Variants in PAK4 observed in about 807,000 individuals in gnomAD.
PAK4 encodes p21 (RAC1) activated kinase 4.
PAK4 carries 49 observed loss-of-function variants against 53.5 expected under a neutral mutation model. The observed-to-expected ratio is 0.92, with a 90% CI of 0.73 to 1.16. The LOEUF (loss-of-function observed/expected upper bound fraction) is 1.16. Ranked by LOEUF, PAK4 falls within the 50% of genes most tolerant of loss-of-function variation. The pLI is 0.00. For synonymous variants in PAK4, 376 were observed against 375.6 expected (o/e 1.00, Z -0.01); for missense variants, 824 against 850.7 (o/e 0.97, Z 0.39).
chr19:39,174,906 C>T, intron 4 of PAK4, 25 bp from the exon 6 acceptor site: 13 of 1,613,140 alleles, frequency 8.1e-6, no homozygotes, highest in Non-Finnish European at 1.1e-5. Context: ...CGCCTCCCTC[C>T]ACCACTGACC....
chr19:39,173,570 T>C lies in PAK4; in HGVS notation c.664-6T>C. The C allele has an allele frequency of 6.6e-7, 1 of 1,518,532 alleles. No homozygotes were observed. Among genetic ancestry groups the C allele is most frequent in the Non-Finnish European group, 8.8e-7 (1 of 1,134,584 alleles). 94.1% of individuals were successfully genotyped at this position (1,518,532 alleles called of 1,614,324 possible). A position where few individuals can be genotyped will look rare whatever the true frequency, so the allele number is the denominator to read the frequency against. ...ATCACTGACAGCTACCTCTCTTCTG[T>C]TTCAGGGGGAGCCTCATGACGTGGC... On this transcript the variant is annotated splice_region_variant and splice_polypyrimidine_tract_variant and intron_variant, in intron 3 of 8. Coordinates refer to ENST00000358301, the Ensembl canonical transcript of PAK4. This position sits in a 1 kb window ranked among gnomAD's most constrained non-coding sequence, Gnocchi z 6.9.
intron 1 of PAK4, among the ~76,000 whole-genome samples, chr19:39,144,558 G>C (rs936501684): frequency 6.6e-6 from 1 of 152,244 alleles, no homozygotes; most frequent in African/African-American, 2.4e-5. Flanking sequence ...TTGTTCTGGA[G>C]GCCAGAAGGG....
chr19:39,141,971 G>A (rs939719820), intron 1 of PAK4, among the ~76,000 whole-genome samples: 27 of 152,104 alleles, frequency 1.8e-4, no homozygotes, highest in African/African-American at 4.1e-4. Context: ...CTTTGCATCC[G>A]GTTGATAGGC....
intron 7 of PAK4, among the ~76,000 whole-genome samples, chr19:39,177,350 C>T (rs2074626378): frequency 1.3e-5 from 2 of 152,166 alleles, no homozygotes; most frequent in African/African-American, 4.8e-5. Context: ...TGTTTCTGAA[C>T]CAATCACTGT....
rs1401698746 is a variant in PAK4 at position 39,173,511 on chromosome 19, C to T, written c.664-65C>T. On this transcript the variant is annotated intron_variant, in intron 3 of 8. Coordinates refer to ENST00000358301, the Ensembl canonical transcript of PAK4. This position sits in a 1 kb window ranked among gnomAD's most constrained non-coding sequence, Gnocchi z 6.9. Reference sequence around the variant, plus strand: ...GTCTGTCCCATCGCTGGGTCTCTCTCCTGCTTAGGGAGCAGAGCTGCTCCC... The same window carrying T: ...GTCTGTCCCATCGCTGGGTCTCTCTTCTGCTTAGGGAGCAGAGCTGCTCCC... The T allele has an allele frequency of 1.4e-6, 2 of 1,412,148 alleles. No homozygotes were observed. The highest frequency in any genetic ancestry group is 1.9e-6 in the Non-Finnish European group (2 of 1,042,538). The allele number at this position is 1,412,148 out of a possible 1,614,324, so 87.5% of individuals were successfully genotyped here.
chr19:39,158,079 T>G (rs909329223), intron 1 of PAK4, among the ~76,000 whole-genome samples: 1 of 76,972 alleles, frequency 1.3e-5, no homozygotes, highest in African/African-American at 3.6e-5. Context: ...AGCATGCATG[T>G]GTGTGTGTGC....
At chr19:39,170,943 C>A (rs2144830011) in intron 2 of PAK4, among the ~76,000 whole-genome samples, 1 of 152,326 alleles carries the variant, frequency 6.6e-6, no homozygotes, top group South Asian at 2.1e-4. Context: ...CAGGCCGCAC[C>A]CGACCCACCT....
At chr19:39,137,991 T>A (rs2073848273) in intron 1 of PAK4, among the ~76,000 whole-genome samples, 1 of 150,588 alleles carries the variant, frequency 6.6e-6, no homozygotes, top group Admixed American at 6.6e-5. Context: ...AGGTTTTTTT[T>A]TTTTTTTTGA....
chr19:39,169,680 A>G lies in PAK4; in HGVS notation c.127A>G (p.Ile43Val), dbSNP rs2144820914. 2.5e-6 allele frequency: 4 copies of G among 1,613,112 alleles called. No homozygotes were observed. The South Asian group carries it at 4.4e-5, about 18-fold the overall frequency. Residue 43 changes from isoleucine to valine, a missense_variant, in exon 2 of 9, where the codon ATC (isoleucine) becomes GTC (valine). Coordinates refer to ENST00000358301, the Ensembl canonical transcript of PAK4. ...GCTGCCCCGCCAGTGGCAGAGCCTG[A>G]TCGAGGAGTCGGCTCGCCGGCCCAA...
chr19:39,166,413 C>T (rs1263500233), intron 1 of PAK4, among the ~76,000 whole-genome samples: 1 of 152,252 alleles, frequency 6.6e-6, no homozygotes, highest in African/African-American at 2.4e-5. Context: ...CACTGCACTC[C>T]AGCCTGGGCG....
chr19:39,160,389 GGC>G (rs2074265064), intron 1 of PAK4, among the ~76,000 whole-genome samples: 1 of 152,190 alleles, frequency 6.6e-6, no homozygotes, highest in Non-Finnish European at 1.5e-5. Flanking sequence ...CTGCCCTCAG[GGC>G]ACTGACATTC....
At chr19:39,155,594 C>T (rs1357465109) in intron 1 of PAK4, among the ~76,000 whole-genome samples, 3 of 152,172 alleles carry the variant, frequency 2.0e-5, no homozygotes, top group Non-Finnish European at 2.9e-5. Flanking sequence ...TGCCTCGGGC[C>T]AGCCTTTGCA....
intron 1 of PAK4, among the ~76,000 whole-genome samples, chr19:39,150,176 G>A (rs972723158): frequency 1.3e-5 from 2 of 150,592 alleles, no homozygotes; most frequent in African/African-American, 2.4e-5. Flanking sequence ...GTCCTGTTCC[G>A]CTGCTCTGTT....
At chr19:39,170,382 CTAGAGCA>C (rs1236065332) in intron 2 of PAK4, among the ~76,000 whole-genome samples, 14 of 152,138 alleles carry the variant, frequency 9.2e-5, no homozygotes, top group African/African-American at 3.4e-4. Context: ...TTCCTGCCAT[CTAGAGCA>C]AAATGGCAAG....
At chr19:39,133,087 C>CA (rs1260157450) in intron 1 of PAK4, among the ~76,000 whole-genome samples, 1 of 152,204 alleles carries the variant, frequency 6.6e-6, no homozygotes, top group Non-Finnish European at 1.5e-5. Flanking sequence ...ACCCATCTGA[C>CA]ACAGAAGAGG....
At chr19:39,137,669 CTT>C (rs754678702) in intron 1 of PAK4, among the ~76,000 whole-genome samples, 16 of 140,178 alleles carry the variant, frequency 1.1e-4, no homozygotes, top group Admixed American at 1.4e-4. Context: ...GGTCACTTTC[CTT>C]TTTTTTTTTT....
chr19:39,135,707 C>T (rs896270250), intron 1 of PAK4, among the ~76,000 whole-genome samples: 1 of 151,990 alleles, frequency 6.6e-6, no homozygotes, highest in African/African-American at 2.4e-5. Context: ...AACAGGCAGC[C>T]CTCCCCGAGC....
At chr19:39,171,645 T>C (rs1280239508) in intron 2 of PAK4, among the ~76,000 whole-genome samples, 2 of 152,140 alleles carry the variant, frequency 1.3e-5, no homozygotes, top group Non-Finnish European at 2.9e-5. Flanking sequence ...GGGATCAGTG[T>C]TTTCTACACG....
chr19:39,166,422 C>T lies in PAK4; in HGVS notation c.-22-3110C>T, dbSNP rs140481698. Among the ~76,000 whole-genome samples, 347 of 152,276 alleles carry T rather than the reference C, an allele frequency of 2.3e-3. 2 individuals are homozygous for T. The highest frequency in any genetic ancestry group is 8.1e-3 in the African/African-American group (337 of 41,552). On this transcript the variant is annotated intron_variant, in intron 1 of 8. Transcript: ENST00000358301. ...TCGCACCACTGCACTCCAGCCTGGG[C>T]GACAGAGCAAGACTCCGTTTAAAAT...
Sources: allele counts gnomAD v4.1 joint callset (sites outside exome capture counted in the v4.1 genomes callset), GRCh38; gene constraint gnomAD v4.1.1; non-coding constraint Gnocchi (gnomAD v3.1); transcripts MANE v1.5; gene names NCBI Gene and HGNC (gene_info 2026-07-23, HGNC 2026-07-21).